MELK: variants seen among roughly 807,000 people sequenced by gnomAD.
MELK encodes pEg3 kinase.
A neutral mutation model predicts 85.0 loss-of-function variants in MELK; 81 were observed. The ratio of observed to expected loss-of-function variants is 0.95; its 90% confidence interval spans 0.80 to 1.15. The LOEUF (loss-of-function observed/expected upper bound fraction) is 1.15, where lower values mean the gene tolerates loss of function less well. Among genes scored for constraint, MELK ranks in the 50% most tolerant of loss-of-function variants. The pLI, the probability that MELK is intolerant of heterozygous loss-of-function variation, is 0.00. For missense variants in MELK, 754 were observed against 777.5 expected (o/e 0.97, Z 0.36); for synonymous variants, 252 against 265.0 (o/e 0.95, Z 0.48).
intron 11 of MELK, among the ~76,000 whole-genome samples, chr9:36,650,103 C>T (rs962535168): frequency 6.6e-6 from 1 of 151,832 alleles, no homozygotes; most frequent in African/African-American, 2.4e-5. Flanking sequence ...ACTACCACGC[C>T]CGGCTAATTT....
At chr9:36,667,398 T>C (rs2381525) in intron 14 of MELK, among the ~76,000 whole-genome samples, 137,438 of 152,196 alleles carry the variant, frequency 0.9, 62,107 homozygotes, top group East Asian at 0.92. Context: ...TCAGGTGATC[T>C]GCCCTCTTCA....
intron 8 of MELK, 81 bp from the exon 9 acceptor site, chr9:36,630,217 TA>T: frequency 9.8e-7 from 1 of 1,024,074 alleles, no homozygotes. Flanking sequence ...AGCTTAAAAG[TA>T]AACCTCCAGC....
At position 36,657,225 on chromosome 9, in the gene MELK, G is replaced by C. The variant is rs115894778; in HGVS notation, c.1054-16G>C. On this transcript the variant is annotated splice_polypyrimidine_tract_variant and intron_variant, in intron 12 of 17. Transcript: ENST00000298048. ...AGTACTGTCATCTTTAAGTTCTTCT[G>C]TCTTTCATTGAGTAGTCAAATAATT... is the stretch of plus-strand genomic sequence containing the variant. 3.7e-3 allele frequency: 5,884 copies of C among 1,603,032 alleles called. 178 individuals carry two copies. In the African/African-American group the frequency reaches 0.069, roughly 19 times the overall value.
chr9:36,641,565 C>T (rs1213715621), intron 10 of MELK, among the ~76,000 whole-genome samples: 1 of 149,714 alleles, frequency 6.7e-6, no homozygotes, highest in Non-Finnish European at 1.5e-5. Context: ...TTAAGCAGAA[C>T]ATAAAGCATC....
intron 3 of MELK, among the ~76,000 whole-genome samples, chr9:36,588,817 A>G (rs796701023): frequency 6.6e-5 from 10 of 152,288 alleles, no homozygotes; most frequent in African/African-American, 2.4e-4. Flanking sequence ...AGACCTCAGA[A>G]AAGATTGGAG....
At chr9:36,636,670 G>T (rs1829169978) in intron 10 of MELK, among the ~76,000 whole-genome samples, 1 of 152,170 alleles carries the variant, frequency 6.6e-6, no homozygotes, top group African/African-American at 2.4e-5. Flanking sequence ...AAGACTGGCT[G>T]TTTCCTGGGC....
At chr9:36,676,861 A>G (rs993359141) in intron 17 of MELK, among the ~76,000 whole-genome samples, 6 of 152,194 alleles carry the variant, frequency 3.9e-5, no homozygotes, top group African/African-American at 1.4e-4. Flanking sequence ...AGAATGCCAG[A>G]TTTCTTGAGC....
chr9:36,643,098 A>G lies in MELK; in HGVS notation c.921+15A>G, dbSNP rs199689087. 91 of 1,605,422 alleles carry G rather than the reference A, an allele frequency of 5.7e-5. 1 individual carries two copies. In the East Asian group the frequency reaches 8.7e-4, roughly 15 times the overall value. Reference sequence around the variant, plus strand: ...TAATTTCACTGGTAAGAAATACAGCATGGGCTGGGCGCAGTGGCTCACGCC... The same window carrying G: ...TAATTTCACTGGTAAGAAATACAGCGTGGGCTGGGCGCAGTGGCTCACGCC... On this transcript the variant is annotated intron_variant, in intron 11 of 17. Coordinates refer to ENST00000298048, the MANE Select transcript of MELK (RefSeq NM_014791.4).
chr9:36,634,551 A>C (rs186805386), intron 10 of MELK, among the ~76,000 whole-genome samples: 3 of 152,176 alleles, frequency 2.0e-5, no homozygotes, highest in Admixed American at 2.0e-4. Flanking sequence ...TCTTTACTAA[A>C]AATGCAAAAA....
intron 8 of MELK, among the ~76,000 whole-genome samples, chr9:36,626,889 G>A (rs1827979974): frequency 1.3e-5 from 2 of 151,106 alleles, no homozygotes; most frequent in Admixed American, 1.3e-4. Flanking sequence ...AACCCGGGAG[G>A]CAGAGGCTGC....
intron 14 of MELK, among the ~76,000 whole-genome samples, chr9:36,668,440 T>C (rs866617924): frequency 4.1e-4 from 62 of 152,198 alleles, no homozygotes; most frequent in Non-Finnish European, 2.1e-4. Flanking sequence ...ATAAACTATC[T>C]GGAATGCAAA....
chr9:36,652,775 T>C (rs1830840719), intron 12 of MELK, among the ~76,000 whole-genome samples: 1 of 149,454 alleles, frequency 6.7e-6, no homozygotes, highest in Non-Finnish European at 1.5e-5. Context: ...ACAGATGAGC[T>C]AAAAGGAAAA....
rs540286432 is a variant in MELK, at chr9:36,583,675, T to G, written c.107T>G (p.Met36Arg). Residue 36 changes from methionine to arginine, a missense_variant, in exon 3 of 18, where the codon ATG becomes AGG. Met to Arg is a moderately conservative substitution (Grantham distance 91). Coordinates refer to ENST00000298048, the MANE Select transcript of MELK (RefSeq NM_014791.4). ...KLACHILTGE[M>R]VAIKIMDKNT... is the part of the protein sequence containing the mutation. ...GCCTGCCATATCCTTACTGGAGAGA[T>G]GGTAGCTATAAAAATCATGGATAAA... 6.2e-7 allele frequency: 1 copy of G among 1,612,912 alleles called. No homozygotes were observed. The highest frequency in any genetic ancestry group is 2.2e-5 in the East Asian group (1 of 44,822).
At chr9:36,664,131 AT>A (rs1832114106) in intron 13 of MELK, among the ~76,000 whole-genome samples, 3 of 151,950 alleles carry the variant, frequency 2.0e-5, no homozygotes, top group Admixed American at 1.3e-4. Context: ...TGCACTTTTC[AT>A]TTTTATCATG....
intron 10 of MELK, among the ~76,000 whole-genome samples, chr9:36,637,080 CCT>C (rs1829294047): frequency 6.6e-6 from 1 of 151,406 alleles, no homozygotes; most frequent in Admixed American, 6.6e-5. Flanking sequence ...TATCCGCCTG[CCT>C]CGGCCTCCCA....
intron 1 of MELK, among the ~76,000 whole-genome samples, chr9:36,575,877 T>C (rs768534157): frequency 1.3e-5 from 2 of 152,212 alleles, no homozygotes; most frequent in Non-Finnish European, 2.9e-5. Context: ...TAGTCCAGTG[T>C]TCCTCCATTT....
intron 10 of MELK, among the ~76,000 whole-genome samples, chr9:36,638,832 G>A (rs987959270): frequency 3.4e-4 from 51 of 152,220 alleles, no homozygotes; most frequent in Non-Finnish European, 5.4e-4. Flanking sequence ...TGCAGATGAG[G>A]CAACTGAGAC....
At chr9:36,607,464 A>C in intron 7 of MELK, 111 bp from the exon 8 acceptor site, 1 of 790,436 alleles carries the variant, frequency 1.3e-6, no homozygotes. Flanking sequence ...TTGATATCTG[A>C]GTTCTTTTTT....
intron 1 of MELK, among the ~76,000 whole-genome samples, chr9:36,574,430 C>CAAAAAAAAAAAAAAAAAAAA (rs78915626): frequency 2.5e-5 from 2 of 79,934 alleles, no homozygotes. Flanking sequence ...ACTAAAAATA[C>CAAAAAAAAAAAAAAAAAAAA]AAAAAAAAAA....
Sources: gnomAD v4.1 joint callset for allele counts (sites outside exome capture counted in the v4.1 genomes callset) on GRCh38, gnomAD v4.1.1 for gene constraint, MANE v1.5 for transcripts, NCBI Gene and HGNC (gene_info 2026-07-23, HGNC 2026-07-21) for gene names.